SLC2A8: variants seen among roughly 807,000 people sequenced by gnomAD.
SLC2A8 encodes solute carrier family 2 member 8.
In SLC2A8, 53 loss-of-function variants were observed where a neutral mutation model predicts 49.2. The observed-to-expected ratio is 1.08, with a 90% CI of 0.86 to 1.35. SLC2A8 has a LOEUF of 1.35. SLC2A8 is among the 40% of genes most tolerant of loss of function. The pLI is 0.00. For synonymous variants in SLC2A8, 299 were observed against 297.0 expected (o/e 1.01, Z -0.07); for missense variants, 688 against 671.7 (o/e 1.02, Z -0.27).
chr9:127,404,021 T>G lies in SLC2A8; in HGVS notation c.930T>G (p.Ala310=). The change falls in exon 7 of 10, where the codon GCT becomes GCG. Residue 310 remains alanine (A), a synonymous_variant. Coordinates refer to ENST00000373371, the MANE Select transcript of SLC2A8 (RefSeq NM_014580.5). ...AGGTGCTGTTCACAGCTGTGGCGGC[T>G]CTCATCATGGACAGAGCAGGGCGGA... ...VIQVLFTAVA[A]LIMDRAGRRL... is the part of the protein sequence containing the mutation. 1 of 1,606,826 alleles carries G rather than the reference T, an allele frequency of 6.2e-7. No homozygotes were observed. The highest frequency in any genetic ancestry group is 8.5e-7 in the Non-Finnish European group (1 of 1,175,210).
Position 127,407,153 on chromosome 9 carries a change from T to C in SLC2A8, c.1338T>C (p.Ala446=), listed in dbSNP as rs1323365094. 1 of 1,613,698 alleles carries C rather than the reference T, an allele frequency of 6.2e-7. No individual in the cohort carries two copies. Among genetic ancestry groups the C allele is most frequent in the Non-Finnish European group, 8.5e-7 (1 of 1,180,010 alleles). ...RPYGAFWLAS[A]FCIFSVLFTL... is the part of the protein sequence containing the mutation. ...ATGGAGCCTTCTGGCTTGCCTCCGCTTTCTGCATCTTCAGTGTCCTTTTCA... is the reference window on the plus strand; with the variant it reads ...ATGGAGCCTTCTGGCTTGCCTCCGCCTTCTGCATCTTCAGTGTCCTTTTCA... Residue 446 remains alanine (A), a synonymous_variant, in exon 10 of 10, where the codon GCT becomes GCC. Coordinates refer to ENST00000373371, the MANE Select transcript of SLC2A8 (RefSeq NM_014580.5).
In SLC2A8 at chr9:127,403,940, T is replaced by C. The variant is rs1564218136; in HGVS notation, c.868-19T>C. On this transcript the variant is annotated intron_variant, in intron 6 of 9. Transcript: ENST00000373371. ...TCTCAGCTGGCCCACCTGACCTGCC[T>C]GGGCTCTGTCTCCCCCAGGACAGCA... 1 of 1,609,780 alleles carries C rather than the reference T, an allele frequency of 6.2e-7. No homozygotes were observed. Among genetic ancestry groups the C allele is most frequent in the Admixed American group, 1.7e-5 (1 of 59,846 alleles).
Position 127,397,433 on chromosome 9 carries a change from C to T in SLC2A8, c.114C>T (p.Leu38=). The T allele has an allele frequency of 6.7e-7, 1 of 1,487,126 alleles. No individual in the cohort carries two copies. Among genetic ancestry groups the T allele is most frequent in the Non-Finnish European group, 8.9e-7 (1 of 1,126,962 alleles). 92.1% of individuals were successfully genotyped at this position (1,487,126 alleles called of 1,614,324 possible). Reference sequence around the variant, plus strand: ...CCTTCGCCGCTGCCCTGGGCCCACTCAGCTTCGGCTTCGCGCTCGGCTACA... The same window carrying T: ...CCTTCGCCGCTGCCCTGGGCCCACTTAGCTTCGGCTTCGCGCTCGGCTACA... ...LAAFAAALGP[L]SFGFALGYSS... Residue 38 remains leucine, a synonymous_variant, in exon 2 of 10, where the codon CTC becomes CTT. Transcript: ENST00000373371.
chr9:127,397,947 G>A lies in SLC2A8; in HGVS notation c.262G>A (p.Gly88Ser). ...TGCCGCGGCGGGGGGAGTGCTGGGC[G>A]GCTGGCTGGTGGACCGCGCCGGGCG... ...LGAAAGGVLG[G>S]WLVDRAGRKL... Residue 88 changes from glycine to serine, a missense_variant, in exon 3 of 10, where the codon GGC becomes AGC. Coordinates refer to ENST00000373371, the MANE Select transcript of SLC2A8 (RefSeq NM_014580.5). The A allele has an allele frequency of 1.3e-6, 2 of 1,533,808 alleles. No individual in the cohort carries two copies. Among genetic ancestry groups the A allele is most frequent in the Non-Finnish European group, 8.7e-7 (1 of 1,146,338 alleles).
rs200998460 is a variant in SLC2A8, at chr9:127,407,082, G to T, written c.1297-30G>T. The T allele has an allele frequency of 1.9e-6, 3 of 1,610,942 alleles. No homozygotes were observed. In the South Asian group the frequency reaches 3.3e-5, roughly 18 times the overall value. On this transcript the variant is annotated intron_variant, in intron 9 of 9. Coordinates refer to ENST00000373371, the MANE Select transcript of SLC2A8 (RefSeq NM_014580.5). The stretch of plus-strand genomic sequence containing the variant: ...GTGGGGCTTCCTGATCTCTCCCCGC[G>T]TCCACCCATGGCCTTTCCTCTCTCT...
At chr9:127,403,637 A>T in intron 5 of SLC2A8, 23 bp from the exon 6 acceptor site, 1 of 1,612,360 alleles carries the variant, frequency 6.2e-7, no homozygotes, top group South Asian at 1.1e-5. Context: ...AGAAATCCTG[A>T]TGGCCAGTAT....
At chr9:127,406,211 A>G (rs1476405022) in intron 9 of SLC2A8, among the ~76,000 whole-genome samples, 1 of 152,244 alleles carries the variant, frequency 6.6e-6, no homozygotes, top group Non-Finnish European at 1.5e-5. Flanking sequence ...AGAGCAATGA[A>G]CAAGATGGAC....
rs1317859866 is a variant in SLC2A8, at chr9:127,402,754, G to A, written c.723+1G>A. 2.0e-6 allele frequency: 3 copies of A among 1,535,324 alleles called. No individual in the cohort carries two copies. The highest frequency in any genetic ancestry group is 1.4e-5 in the African/African-American group (1 of 72,834). ...AGACCCCCCCATCGGGGCTGAGCAG[G>A]TGAGAGGCTGGAAGGCAGAGCTGAC... On this transcript the variant is annotated splice_donor_variant, in intron 5 of 9. Coordinates refer to ENST00000373371, the MANE Select transcript of SLC2A8 (RefSeq NM_014580.5). LOFTEE classifies it high-confidence loss of function.
chr9:127,398,610 T>C (rs1408046109), intron 3 of SLC2A8, among the ~76,000 whole-genome samples: 1 of 152,188 alleles, frequency 6.6e-6, no homozygotes, highest in Non-Finnish European at 1.5e-5. Context: ...GGCTTCCCCA[T>C]CTTCCCCCTT....
rs1281405514 is a variant in SLC2A8 at position 127,397,283 on chromosome 9, G to A, written c.53G>A (p.Gly18Asp). The A allele has an allele frequency of 1.4e-6, 2 of 1,394,892 alleles. No homozygotes were observed. The highest frequency in any genetic ancestry group is 1.8e-6 in the Non-Finnish European group (2 of 1,085,582). 86.4% of individuals were successfully genotyped at this position (1,394,892 alleles called of 1,614,324 possible). The change falls in exon 1 of 10, where the codon GGC becomes GAC. Residue 18 changes from glycine (G) to aspartate (D), a missense_variant. Gly to Asp is a moderately conservative substitution (Grantham distance 94). Coordinates refer to ENST00000373371, the MANE Select transcript of SLC2A8 (RefSeq NM_014580.5). Reference sequence around the variant, plus strand: ...CAGCCGCTTCTGGGGCCTCCTGGCGGCAGGTGAGCTCCGGGGAACCCGGGC... The same window carrying A: ...CAGCCGCTTCTGGGGCCTCCTGGCGACAGGTGAGCTCCGGGGAACCCGGGC... ...ETQPLLGPPG[G>D]SAPRGRRVFL... is the part of the protein sequence containing the mutation.
intron 4 of SLC2A8, among the ~76,000 whole-genome samples, chr9:127,400,722 G>C (rs1442187994): frequency 6.6e-6 from 1 of 152,178 alleles, no homozygotes; most frequent in Non-Finnish European, 1.5e-5. Context: ...GGAGGCCGGG[G>C]TCCTGGGGAC....
intron 7 of SLC2A8, 168 bp from the exon 8 acceptor site, chr9:127,404,650 G>A: frequency 1.4e-6 from 1 of 715,182 alleles, no homozygotes. Flanking sequence ...GAGGTCCAAG[G>A]CGGGGTGGCT....
At chr9:127,398,717 TCA>T (rs1345490398) in intron 3 of SLC2A8, among the ~76,000 whole-genome samples, 1 of 152,172 alleles carries the variant, frequency 6.6e-6, no homozygotes, top group Non-Finnish European at 1.5e-5. Flanking sequence ...TCCCTGGGCC[TCA>T]GTTTCCTTCT....
chr9:127,403,152 C>T lies in SLC2A8; in HGVS notation c.723+399C>T, dbSNP rs1589008737. The T allele has an allele frequency of 1.3e-5, 3 of 237,904 alleles. No homozygotes were observed. The Admixed American group carries it at 1.5e-4, about 12-fold the overall frequency. The allele number at this position is 237,904 out of a possible 1,614,324, so 14.7% of individuals were successfully genotyped here. The stretch of plus-strand genomic sequence containing the variant: ...TTGAAGCCCCCACGCTGCCCCTCAC[C>T]TAAGCTTTAGCTCTTCACCTGTGAT... On this transcript the variant is annotated intron_variant, in intron 5 of 9. Transcript: ENST00000373371.
intron 9 of SLC2A8, chr9:127,405,878 G>A (rs904014777): frequency 2.9e-5 from 16 of 550,090 alleles, no homozygotes; most frequent in Non-Finnish European, 1.0e-5. Flanking sequence ...AGAGTTGACA[G>A]GGCTGGGCTG....
At chr9:127,406,572 G>A (rs1833500542) in intron 9 of SLC2A8, among the ~76,000 whole-genome samples, 1 of 129,758 alleles carries the variant, frequency 7.7e-6, no homozygotes, top group African/African-American at 2.8e-5. Flanking sequence ...CCAGGTCCCA[G>A]AGGACCAGGA....
intron 5 of SLC2A8, 111 bp downstream of exon 5, chr9:127,402,864 A>G: frequency 7.8e-7 from 1 of 1,284,376 alleles, no homozygotes; most frequent in Non-Finnish European, 1.0e-6. Context: ...GGAGGTGCCT[A>G]TCCACCCTCC....
At chr9:127,400,145 G>C (rs1833220643) in intron 4 of SLC2A8, 139 bp downstream of exon 4, 2 of 586,758 alleles carry the variant, frequency 3.4e-6, no homozygotes, top group Non-Finnish European at 5.8e-6. Context: ...TCGCCTTCCT[G>C]GGACCTTGGG....
intron 8 of SLC2A8, 112 bp from the exon 9 acceptor site, chr9:127,405,308 C>A: frequency 7.8e-7 from 1 of 1,283,606 alleles, no homozygotes; most frequent in Non-Finnish European, 1.1e-6. Flanking sequence ...CACTGGGATC[C>A]GGGACCCCAC....
Sources: gnomAD v4.1 joint callset for allele counts (sites outside exome capture counted in the v4.1 genomes callset) on GRCh38, gnomAD v4.1.1 for gene constraint, MANE v1.5 for transcripts, NCBI Gene and HGNC (gene_info 2026-07-23, HGNC 2026-07-21) for gene names.